PDE1A: variants seen among roughly 807,000 people sequenced by gnomAD.
PDE1A encodes dual specificity calcium/calmodulin-dependent 3',5'-cyclic nucleotide phosphodiesterase 1A.
Under a neutral mutation model 61.7 loss-of-function variants are expected in PDE1A, and 35 were observed. The ratio of observed to expected loss-of-function variants is 0.57; its 90% CI spans 0.43 to 0.75. The LOEUF (loss-of-function observed/expected upper bound fraction) is 0.75. Ranked by LOEUF, PDE1A falls within the 30% of genes least tolerant of loss-of-function variation. The probability of loss-of-function intolerance (pLI) is 0.00; values close to 1 mark genes in which losing one functional copy is unlikely to be tolerated. For missense variants in PDE1A, 597 were observed against 630.6 expected (o/e 0.95, Z 0.57); for synonymous variants, 232 against 213.2 (o/e 1.09, Z -0.77).
the PDE1A span, among the ~76,000 whole-genome samples, chr2:182,625,619 T>A: frequency 2.6e-5 from 4 of 152,206 alleles, no homozygotes; most frequent in Non-Finnish European, 5.9e-5. Flanking sequence ...ATCTCACTGG[T>A]CCTGACAGAG....
chr2:182,404,166 C>A (rs1559426545), intron 1 of PDE1A, among the ~76,000 whole-genome samples: 2 of 152,046 alleles, frequency 1.3e-5, no homozygotes, highest in Non-Finnish European at 2.9e-5. Context: ...AAAATTCATC[C>A]AAGTCTCAAA....
chr2:182,380,474 C>A (rs946829724), intron 1 of PDE1A, among the ~76,000 whole-genome samples: 1 of 152,076 alleles, frequency 6.6e-6, no homozygotes, highest in Non-Finnish European at 1.5e-5. Context: ...AGATCATGCC[C>A]TTTGCCCACT....
the PDE1A span, among the ~76,000 whole-genome samples, chr2:182,532,949 A>C: frequency 6.9e-6 from 1 of 144,654 alleles, no homozygotes; most frequent in African/African-American, 2.6e-5. Flanking sequence ...CCGTCTCAAA[A>C]AAAAAAAAAA....
At chr2:182,420,080 T>C (rs1278163574) in intron 1 of PDE1A, among the ~76,000 whole-genome samples, 2 of 151,866 alleles carry the variant, frequency 1.3e-5, no homozygotes, top group Non-Finnish European at 2.9e-5. Flanking sequence ...ATGAGAGAGA[T>C]GCACAGCAGA....
intron 1 of PDE1A, among the ~76,000 whole-genome samples, chr2:182,409,534 TA>T (rs1352920324): frequency 6.6e-6 from 1 of 152,172 alleles, no homozygotes; most frequent in African/African-American, 2.4e-5. Context: ...AAGCAGATTG[TA>T]AAAGTAAATG....
intron 4 of PDE1A, among the ~76,000 whole-genome samples, chr2:182,232,485 T>C (rs1689660790): frequency 6.6e-6 from 1 of 152,202 alleles, no homozygotes; most frequent in Non-Finnish European, 1.5e-5. Flanking sequence ...AAAAATCTGA[T>C]AAAAAGTATT....
intron 1 of PDE1A, among the ~76,000 whole-genome samples, chr2:182,330,955 G>A (rs975369506): frequency 3.9e-5 from 6 of 152,092 alleles, no homozygotes; most frequent in Non-Finnish European, 7.4e-5. Flanking sequence ...GGCTTCCACT[G>A]GGAGCTGTAA....
At chr2:182,191,682 G>A (rs922711277) in intron 10 of PDE1A, among the ~76,000 whole-genome samples, 4 of 143,416 alleles carry the variant, frequency 2.8e-5, no homozygotes, top group Non-Finnish European at 6.0e-5. Flanking sequence ...TCTATTAAAT[G>A]CTGCTAAGCT....
the PDE1A span, among the ~76,000 whole-genome samples, chr2:182,668,865 G>A: frequency 8.5e-5 from 13 of 152,166 alleles, 1 homozygote; most frequent in African/African-American, 2.7e-4. Flanking sequence ...CTCCTGCCTC[G>A]TGCGAGCCGG....
the PDE1A span, among the ~76,000 whole-genome samples, chr2:182,666,608 C>CA: frequency 0.069 from 9,654 of 139,878 alleles, 933 homozygotes; most frequent in African/African-American, 0.23. Context: ...AACTCTGTCT[C>CA]AAAAAAAAAA....
At chr2:182,711,498 C>T in the PDE1A span, among the ~76,000 whole-genome samples, 1 of 151,692 alleles carries the variant, frequency 6.6e-6, no homozygotes, top group African/African-American at 2.4e-5. Flanking sequence ...TATGTATATA[C>T]ATATACATAT....
At chr2:182,587,480 T>G in the PDE1A span, among the ~76,000 whole-genome samples, 32 of 152,212 alleles carry the variant, frequency 2.1e-4, no homozygotes, top group African/African-American at 6.3e-4. Flanking sequence ...CAATTTAAAC[T>G]AAAATGATTT....
the PDE1A span, among the ~76,000 whole-genome samples, chr2:182,629,166 C>A: frequency 6.6e-6 from 1 of 152,114 alleles, no homozygotes; most frequent in Non-Finnish European, 1.5e-5. Context: ...AACAATAATG[C>A]AAGCTTGGAA....
the PDE1A span, among the ~76,000 whole-genome samples, chr2:182,553,330 A>C: frequency 6.6e-6 from 1 of 152,168 alleles, no homozygotes; most frequent in African/African-American, 2.4e-5. Flanking sequence ...TCCCAGGTTC[A>C]AGTGATTCTC....
Position 182,372,039 on chromosome 2 carries a change from G to A in PDE1A, c.53+54539C>T, listed in dbSNP as rs139219061. 5.3e-3 allele frequency among the ~76,000 whole-genome samples: 800 copies of A among 152,238 alleles called. 2 individuals are homozygous for A. Among genetic ancestry groups the A allele is most frequent in the African/African-American group, 0.018 (753 of 41,546 alleles). On this transcript the variant is annotated intron_variant, in intron 1 of 13. Coordinates refer to ENST00000351439, the Ensembl canonical transcript of PDE1A. The stretch of plus-strand genomic sequence containing the variant: ...TCAAACTCCTGAGCTCAAGCAATGC[G>A]TCCACCTCAGCCTCCCAAAGTGCTG...
the PDE1A span, among the ~76,000 whole-genome samples, chr2:182,531,195 C>T: frequency 9.4e-4 from 141 of 149,992 alleles, 1 homozygote; most frequent in African/African-American, 3.3e-3. Context: ...CTCAAGTAAC[C>T]GATAGGAAGA....
At chr2:182,527,855 A>G (rs1020063552), upstream of PDE1A, among the ~76,000 whole-genome samples, 1 of 152,016 alleles carries the variant, frequency 6.6e-6, no homozygotes, top group African/African-American at 2.4e-5. Flanking sequence ...TAGTTTTGTA[A>G]GCCTTTTGCT....
intron 6 of PDE1A, among the ~76,000 whole-genome samples, chr2:182,226,942 C>A (rs1325196822): frequency 1.3e-5 from 2 of 151,918 alleles, no homozygotes; most frequent in Admixed American, 6.6e-5. Context: ...GTTAGCTGAT[C>A]TCATTTAATT....
intron 1 of PDE1A, among the ~76,000 whole-genome samples, chr2:182,364,756 G>A (rs747143900): frequency 6.6e-6 from 1 of 151,786 alleles, no homozygotes; most frequent in Non-Finnish European, 1.5e-5. Context: ...AACATGGAAC[G>A]TGTTTTTACA....
Sources: gnomAD v4.1 joint callset for allele counts (sites outside exome capture counted in the v4.1 genomes callset) on GRCh38, gnomAD v4.1.1 for gene constraint, MANE v1.5 for transcripts, NCBI Gene and HGNC (gene_info 2026-07-23, HGNC 2026-07-21) for gene names.